CADPS2: variants seen among roughly 807,000 people sequenced by gnomAD.
CADPS2 encodes calcium dependent secretion activator 2, also known as calcium-dependent secretion activator 2.
A neutral mutation model predicts 172.5 loss-of-function variants in CADPS2; 93 were observed. The observed-to-expected ratio is 0.54, with a 90% CI of 0.46 to 0.64. The LOEUF (loss-of-function observed/expected upper bound fraction) is 0.64. Among genes scored for constraint, CADPS2 ranks in the 30% least tolerant of loss-of-function variants. The pLI, the probability that CADPS2 is intolerant of heterozygous loss-of-function variation, is 0.00. For missense variants in CADPS2, 1,420 were observed against 1,565.9 expected (o/e 0.91, Z 1.57); for synonymous variants, 546 against 555.2 (o/e 0.98, Z 0.23).
intron 4 of CADPS2, among the ~76,000 whole-genome samples, chr7:122,625,029 G>C (rs1024965915): frequency 6.7e-6 from 1 of 150,208 alleles, no homozygotes; most frequent in African/African-American, 2.5e-5. Context: ...GCTAAAAGTG[G>C]ATAAGGAAGT....
intron 3 of CADPS2, among the ~76,000 whole-genome samples, chr7:122,656,242 CAA>C (rs1303338210): frequency 2.0e-5 from 3 of 151,922 alleles, no homozygotes; most frequent in Non-Finnish European, 4.4e-5. Context: ...AGTGAGGATC[CAA>C]AAAAGATCCC....
intron 6 of CADPS2, among the ~76,000 whole-genome samples, chr7:122,595,801 A>T (rs745717409): frequency 6.6e-5 from 10 of 152,100 alleles, no homozygotes; most frequent in Non-Finnish European, 1.3e-4. Context: ...TTACACAAAC[A>T]TCCCAGATGC....
chr7:122,477,041 AGGAGAGAGAGAAGAG>A (rs2056738883), intron 12 of CADPS2, among the ~76,000 whole-genome samples: 11 of 37,274 alleles, frequency 3.0e-4, no homozygotes, highest in Non-Finnish European at 3.6e-4. Flanking sequence ...AGGAGAGGAG[AGGAGAGAGAGAAGAG>A]AGAGAGAGAG....
At chr7:122,563,531 C>T (rs1345326200) in intron 7 of CADPS2, among the ~76,000 whole-genome samples, 3 of 152,168 alleles carry the variant, frequency 2.0e-5, no homozygotes, top group East Asian at 3.9e-4. Flanking sequence ...AAGATAACAA[C>T]AGACACTTTC....
chr7:122,498,526 T>C (rs1473834085), intron 9 of CADPS2, among the ~76,000 whole-genome samples: 1 of 152,162 alleles, frequency 6.6e-6, no homozygotes, highest in Admixed American at 6.5e-5. Flanking sequence ...TCTTTATGTA[T>C]ATTTTTTTCA....
chr7:122,325,810 G>A (rs2033718700), intron 28 of CADPS2, among the ~76,000 whole-genome samples: 1 of 152,028 alleles, frequency 6.6e-6, no homozygotes, highest in Non-Finnish European at 1.5e-5. Flanking sequence ...TAACGTTACA[G>A]TCTTTCAGCT....
At chr7:122,367,191 C>T (rs1444626666) in intron 25 of CADPS2, among the ~76,000 whole-genome samples, 1 of 152,046 alleles carries the variant, frequency 6.6e-6, no homozygotes, top group Non-Finnish European at 1.5e-5. Context: ...TAACAAGAAA[C>T]TTTAATTACA....
intron 1 of CADPS2, among the ~76,000 whole-genome samples, chr7:122,761,275 A>G (rs1324952911): frequency 2.0e-5 from 3 of 152,176 alleles, no homozygotes; most frequent in Non-Finnish European, 4.4e-5. Flanking sequence ...TTAAAAAGAA[A>G]GCTTCTTCCT....
rs535892305 is a variant in CADPS2 at position 122,701,834 on chromosome 7, T to G, written c.453+35121A>C. On this transcript the variant is annotated intron_variant, in intron 2 of 29. Coordinates refer to ENST00000449022, the MANE Select transcript of CADPS2 (RefSeq NM_017954.11). The stretch of plus-strand genomic sequence containing the variant: ...TCTTCAGAAAATTCTCCAGATTTCT[T>G]AAGTTTTCAGGATGTCACACTTGCA... 18 of 1,568,788 alleles carry G rather than the reference T, an allele frequency of 1.1e-5. No homozygotes were observed. The South Asian group carries it at 2.1e-4, about 18-fold the overall frequency.
intron 9 of CADPS2, among the ~76,000 whole-genome samples, chr7:122,505,250 T>G (rs2059526180): frequency 6.6e-6 from 1 of 152,332 alleles, no homozygotes; most frequent in East Asian, 1.9e-4. Flanking sequence ...TGAGGTGAAA[T>G]GCTTACATTA....
chr7:122,468,620 TC>T (rs2055484526), intron 14 of CADPS2, among the ~76,000 whole-genome samples: 1 of 152,186 alleles, frequency 6.6e-6, no homozygotes, highest in Non-Finnish European at 1.5e-5. Flanking sequence ...TGTAGTACCT[TC>T]ACATTAGTAT....
chr7:122,715,507 C>G (rs747863777), intron 2 of CADPS2, among the ~76,000 whole-genome samples: 12 of 152,048 alleles, frequency 7.9e-5, no homozygotes, highest in Non-Finnish European at 1.8e-4. Context: ...TCTGCCTATG[C>G]CTTAAAAACA....
At chr7:122,456,464 G>A (rs565540979) in intron 14 of CADPS2, among the ~76,000 whole-genome samples, 20 of 152,088 alleles carry the variant, frequency 1.3e-4, no homozygotes, top group African/African-American at 4.8e-4. Context: ...TAAAAATAGG[G>A]TGCTCTGTGA....
chr7:122,480,936 T>C, intron 11 of CADPS2, 76 bp from the exon 12 acceptor site: 1 of 1,108,902 alleles, frequency 9.0e-7, no homozygotes, highest in Non-Finnish European at 1.2e-6. Context: ...CAACTAGACA[T>C]TTAATTTTTT....
At chr7:122,818,448 C>G (rs1025938625) in intron 1 of CADPS2, among the ~76,000 whole-genome samples, 2 of 152,120 alleles carry the variant, frequency 1.3e-5, no homozygotes, top group African/African-American at 4.8e-5. Context: ...ACGTCAGTCC[C>G]TTCCTAGTCT....
At chr7:122,867,947 C>T (rs1312475189) in intron 1 of CADPS2, among the ~76,000 whole-genome samples, 1 of 152,068 alleles carries the variant, frequency 6.6e-6, no homozygotes, top group Non-Finnish European at 1.5e-5. Context: ...AAGTGAGCAC[C>T]CTCTGTGCCT....
At chr7:122,595,975 C>T (rs1416231781) in intron 6 of CADPS2, among the ~76,000 whole-genome samples, 1 of 152,076 alleles carries the variant, frequency 6.6e-6, no homozygotes, top group Admixed American at 6.6e-5. Context: ...AATACTAGCA[C>T]TGCGGTCCAC....
chr7:122,534,118 T>C lies in CADPS2; in HGVS notation c.1475+20432A>G, dbSNP rs540033542. ...TGTATTACCTAATTTGCCAATGATT[T>C]AGGAGTCTGAACATTTGCTGATCTG... is the stretch of plus-strand genomic sequence containing the variant. On this transcript the variant is annotated intron_variant, in intron 8 of 29. Coordinates refer to ENST00000449022, the MANE Select transcript of CADPS2 (RefSeq NM_017954.11). Among the ~76,000 whole-genome samples the C allele has an allele frequency of 3.3e-4, 51 of 152,246 alleles. No homozygotes were observed. The South Asian group carries it at 8.5e-3, about 25-fold the overall frequency.
chr7:122,606,760 TA>T (rs1466583886), intron 6 of CADPS2, among the ~76,000 whole-genome samples: 1 of 152,080 alleles, frequency 6.6e-6, no homozygotes, highest in Non-Finnish European at 1.5e-5. Flanking sequence ...AAAGAAGGTA[TA>T]ATACACAGCC....
Sources: allele counts gnomAD v4.1 joint callset (sites outside exome capture counted in the v4.1 genomes callset), GRCh38; gene constraint gnomAD v4.1.1; transcripts MANE v1.5; gene names NCBI Gene and HGNC (gene_info 2026-07-23, HGNC 2026-07-21).